Variants in RNF145 observed in about 807,000 individuals in gnomAD.
RNF145 encodes the protein ring finger protein 145.
Under a neutral mutation model 57.3 loss-of-function variants are expected in RNF145, and 12 were observed. The observed-to-expected ratio is 0.21, with a 90% CI of 0.13 to 0.34. The LOEUF (loss-of-function observed/expected upper bound fraction) is 0.34, where lower values mean the gene tolerates loss of function less well. Ranked by LOEUF, RNF145 falls within the 10% of genes least tolerant of loss-of-function variation. RNF145 has a pLI of 1.00. For missense variants in RNF145, 429 were observed against 799.0 expected (o/e 0.54, Z 5.58); for synonymous variants, 262 against 288.3 (o/e 0.91, Z 0.92).
rs1784112020 is a variant in RNF145, at chr5:159,158,527, G to A, written c.*143C>T. ...GGGATGAAAGCAGGTGGTCCCCACTGAGAGTACTTCCTGGATTAGATCCTT... is the reference window on the plus strand; with the variant it reads ...GGGATGAAAGCAGGTGGTCCCCACTAAGAGTACTTCCTGGATTAGATCCTT... On this transcript the variant is annotated 3_prime_UTR_variant, in exon 11 of 11. Transcript: ENST00000424310. 1.9e-6 allele frequency: 2 copies of A among 1,066,558 alleles called. No individual in the cohort carries two copies. Among genetic ancestry groups the A allele is most frequent in the Admixed American group, 2.4e-5 (1 of 41,028 alleles). 66.1% of individuals were successfully genotyped at this position (1,066,558 alleles called of 1,614,324 possible). A position where few individuals can be genotyped will look rare whatever the true frequency, so the allele number is the denominator to read the frequency against.
chr5:159,183,703 C>T (rs934482818), intron 3 of RNF145, among the ~76,000 whole-genome samples: 5 of 152,054 alleles, frequency 3.3e-5, no homozygotes, highest in African/African-American at 1.2e-4. Flanking sequence ...ACTATCCAGA[C>T]CTTTAAAGCC....
chr5:159,168,923 C>T lies in RNF145; in HGVS notation c.1071G>A (p.Met357Ile). ...AAACAATAGGATCTGCAATTTCTAA[C>T]ATAGACTGTAGGATAGAAGCTACGA... is the stretch of plus-strand genomic sequence containing the variant. ...FIVVASILQS[M>I]LEIADPIVLA... The change falls in exon 8 of 11, where the codon ATG becomes ATA. Residue 357 changes from methionine to isoleucine, a missense_variant. By Grantham distance (10) the Met-to-Ile change is conservative. This residue lies in a region of RNF145 where 216 missense variants were observed against 457.6 expected (regional missense o/e 0.47). Coordinates refer to ENST00000424310, the MANE Select transcript of RNF145 (RefSeq NM_001199383.2). The T allele has an allele frequency of 6.3e-7, 1 of 1,595,000 alleles. No individual in the cohort carries two copies. Among genetic ancestry groups the T allele is most frequent in the South Asian group, 1.1e-5 (1 of 87,084 alleles).
intron 1 of RNF145, chr5:159,207,673 T>G: frequency 1.2e-6 from 2 of 1,612,852 alleles, no homozygotes; most frequent in Non-Finnish European, 1.7e-6. Context: ...GAGAACGCAT[T>G]TCTTACATAA....
At chr5:159,175,343 C>A (rs963337441) in intron 5 of RNF145, among the ~76,000 whole-genome samples, 2 of 152,124 alleles carry the variant, frequency 1.3e-5, no homozygotes, top group African/African-American at 4.8e-5. Context: ...TTATCTGATT[C>A]TTTCCTGGTC....
chr5:159,187,115 T>G (rs957715721), intron 3 of RNF145, among the ~76,000 whole-genome samples: 16 of 150,922 alleles, frequency 1.1e-4, no homozygotes, highest in African/African-American at 3.7e-4. Flanking sequence ...AGCCTGTCTA[T>G]ACTAAAAATA....
intron 3 of RNF145, among the ~76,000 whole-genome samples, chr5:159,184,792 T>TTTA: frequency 6.6e-6 from 1 of 152,336 alleles, no homozygotes; most frequent in South Asian, 2.1e-4. Context: ...ATTTCATTCC[T>TTTA]TTTTTAAGCC....
intron 2 of RNF145, among the ~76,000 whole-genome samples, chr5:159,196,881 C>T (rs11750842): frequency 0.045 from 6,899 of 152,228 alleles, 207 homozygotes; most frequent in Middle Eastern, 0.092. Context: ...CTTTCCAGAA[C>T]GGTCTTGTCT....
intron 3 of RNF145, among the ~76,000 whole-genome samples, chr5:159,182,580 CTAAGA>C (rs1398225789): frequency 1.4e-4 from 22 of 152,012 alleles, no homozygotes; most frequent in African/African-American, 5.1e-4. Flanking sequence ...TATATGAAAT[CTAAGA>C]TAATTATAAT....
At chr5:159,197,587 T>C (rs1366622268) in intron 2 of RNF145, among the ~76,000 whole-genome samples, 2 of 152,226 alleles carry the variant, frequency 1.3e-5, no homozygotes, top group Admixed American at 1.3e-4. Context: ...GAGAGCAGTA[T>C]GAATGAACCA....
intron 1 of RNF145, chr5:159,208,131 A>C: frequency 7.0e-7 from 1 of 1,429,402 alleles, no homozygotes. Context: ...ACCTCCTCCC[A>C]CAACGCCTGC....
In RNF145 at chr5:159,158,734, GC is replaced by G. The variant is rs1231300103; in HGVS notation, c.1927del (p.Ala643LeufsTer31). The G allele has an allele frequency of 6.2e-7, 1 of 1,613,822 alleles. No individual in the cohort carries two copies. The highest frequency in any genetic ancestry group is 1.3e-5 in the African/African-American group (1 of 74,918). On this transcript the variant is annotated frameshift_variant, in exon 11 of 11. Coordinates refer to ENST00000424310, the MANE Select transcript of RNF145 (RefSeq NM_001199383.2). LOFTEE classifies it low-confidence loss of function (END_TRUNC). ...IARRPDNQEG[A>X]FDPKEYPHSA... ...GTGAGGATATTCTTTGGGGTCAAAA[GC>G]CCCTTCCTGGTTATCTGGTCGTCTG...
chr5:159,187,007 G>A (rs189933727), intron 3 of RNF145, among the ~76,000 whole-genome samples: 27 of 149,886 alleles, frequency 1.8e-4, no homozygotes, highest in Middle Eastern at 3.6e-3. Flanking sequence ...ACAGTTGGGC[G>A]TGGTAGCTCA....
intron 6 of RNF145, among the ~76,000 whole-genome samples, chr5:159,172,241 A>C (rs1784583078): frequency 6.6e-6 from 1 of 152,142 alleles, no homozygotes; most frequent in South Asian, 2.1e-4. Flanking sequence ...CTGTAATCCC[A>C]GGACTTTGAG....
At chr5:159,191,095 A>G (rs78405922) in intron 3 of RNF145, among the ~76,000 whole-genome samples, 1 of 151,332 alleles carries the variant, frequency 6.6e-6, no homozygotes, top group South Asian at 2.1e-4. Flanking sequence ...AAAAAAAAAA[A>G]GGCAAAAAAT....
intron 2 of RNF145, among the ~76,000 whole-genome samples, chr5:159,200,938 G>A (rs1410196646): frequency 6.6e-6 from 1 of 152,194 alleles, no homozygotes; most frequent in Non-Finnish European, 1.5e-5. Context: ...ACCTATTGGA[G>A]TAGCCAAAAT....
At chr5:159,190,044 A>G (rs937327621) in intron 3 of RNF145, among the ~76,000 whole-genome samples, 1 of 152,170 alleles carries the variant, frequency 6.6e-6, no homozygotes, top group African/African-American at 2.4e-5. Flanking sequence ...CTGTATACAT[A>G]TATACAGCTT....
intron 8 of RNF145, among the ~76,000 whole-genome samples, chr5:159,168,517 ATTAT>A (rs1449063304): frequency 6.6e-6 from 1 of 152,148 alleles, no homozygotes; most frequent in Non-Finnish European, 1.5e-5. Context: ...AAAATTAAAT[ATTAT>A]TTGTTACATT....
intron 8 of RNF145, among the ~76,000 whole-genome samples, chr5:159,163,850 C>G (rs936267939): frequency 6.6e-6 from 1 of 152,200 alleles, no homozygotes; most frequent in Non-Finnish European, 1.5e-5. Context: ...AACACAAGCA[C>G]TCTTACGTCC....
At chr5:159,168,524 G>T (rs1457462434) in intron 8 of RNF145, among the ~76,000 whole-genome samples, 1 of 151,750 alleles carries the variant, frequency 6.6e-6, no homozygotes, top group Non-Finnish European at 1.5e-5. Flanking sequence ...AATATTATTT[G>T]TTACATTTAT....
Sources: gnomAD v4.1 joint callset for allele counts (sites outside exome capture counted in the v4.1 genomes callset) on GRCh38, gnomAD v4.1.1 for gene constraint, gnomAD v4.1.1 regional missense constraint, MANE v1.5 for transcripts, NCBI Gene and HGNC (gene_info 2026-07-23, HGNC 2026-07-21) for gene names.